NBPF9: variants seen among roughly 807,000 people sequenced by gnomAD.
The protein encoded by NBPF9 is NBPF family member NBPF9.
NBPF9 carries 91 observed loss-of-function variants against 97.8 expected under a neutral mutation model. The ratio of observed to expected loss-of-function variants is 0.93; its 90% CI spans 0.79 to 1.11. The LOEUF is 1.11. Among genes scored for constraint, NBPF9 ranks in the 50% least tolerant of loss-of-function variants. NBPF9 has a pLI of 0.00. For synonymous variants in NBPF9, 334 were observed against 359.5 expected (o/e 0.93, Z 0.80); for missense variants, 992 against 939.5 (o/e 1.06, Z -0.73).
At chr1:149,063,205 G>T (rs1330846418) in intron 20 of NBPF9, among the ~76,000 whole-genome samples, 1 of 138,084 alleles carries the variant, frequency 7.2e-6, no homozygotes, top group African/African-American at 2.9e-5. Flanking sequence ...TAAAGCAAAT[G>T]CCCCCAAATG....
chr1:149,084,153 G>A (rs1221009206), intron 5 of NBPF9, among the ~76,000 whole-genome samples: 2 of 149,536 alleles, frequency 1.3e-5, no homozygotes, highest in Non-Finnish European at 3.0e-5. Flanking sequence ...GGCCTGTCAT[G>A]GGGTGAGGGC....
Position 149,099,576 on chromosome 1 carries a change from T to G in NBPF9, c.-605-870A>C, listed in dbSNP as rs1278252679. ...AATTTCCAGGAGCTTATGTTGAAAATGAGATTGAACACATACAAAATAATC... is the reference window on the plus strand; with the variant it reads ...AATTTCCAGGAGCTTATGTTGAAAAGGAGATTGAACACATACAAAATAATC... On this transcript the variant is annotated intron_variant, in intron 3 of 29. Transcript: ENST00000584027. 6.8e-4 allele frequency among the ~76,000 whole-genome samples: 103 copies of G among 152,236 alleles called. No individual in the cohort carries two copies. The Middle Eastern group carries it at 0.01, about 15-fold the overall frequency.
intron 5 of NBPF9, among the ~76,000 whole-genome samples, chr1:149,087,714 CT>C (rs1189407389): frequency 1.2e-4 from 18 of 150,982 alleles, no homozygotes; most frequent in Non-Finnish European, 2.1e-4. Flanking sequence ...CATAACAACT[CT>C]TCTGATCCAT....
intron 4 of NBPF9, among the ~76,000 whole-genome samples, chr1:149,096,091 G>C (rs1338565724): frequency 1.3e-5 from 2 of 152,156 alleles, no homozygotes; most frequent in South Asian, 4.1e-4. Context: ...CATAATGCTA[G>C]AAAGAAGCCA....
intron 8 of NBPF9, among the ~76,000 whole-genome samples, chr1:149,079,654 G>A (rs1185431261): frequency 6.6e-5 from 10 of 150,646 alleles, no homozygotes; most frequent in African/African-American, 2.4e-4. Flanking sequence ...AGAATGACAG[G>A]GTCGAGAAGG....
chr1:149,076,558 A>C (rs1366058865), intron 11 of NBPF9, among the ~76,000 whole-genome samples: 18 of 147,840 alleles, frequency 1.2e-4, no homozygotes, highest in African/African-American at 4.2e-4. Flanking sequence ...GCTGGAGTGC[A>C]GTGGCACAAT....
intron 24 of NBPF9, chr1:149,060,063 C>A (rs1180720384): frequency 3.1e-6 from 1 of 321,608 alleles, no homozygotes; most frequent in African/African-American, 3.0e-5. Flanking sequence ...TTTGTGCAAA[C>A]AGTTATGCCA....
chr1:149,077,923 C>A, exon 10 of NBPF9: 1 of 1,518,390 alleles, frequency 6.6e-7, no homozygotes, highest in Admixed American at 1.7e-5. Context: ...TCCTCCTCAA[C>A]TTGAACATCT....
At chr1:149,100,935 A>T (rs193267143) in intron 3 of NBPF9, among the ~76,000 whole-genome samples, 1 of 146,162 alleles carries the variant, frequency 6.8e-6, no homozygotes, top group Non-Finnish European at 1.5e-5. Flanking sequence ...CCCTGTCTGA[A>T]AAAAAAAAAA....
intron 5 of NBPF9, among the ~76,000 whole-genome samples, chr1:149,089,587 G>C (rs1435373410): frequency 2.3e-3 from 352 of 152,344 alleles, no homozygotes; most frequent in Non-Finnish European, 2.4e-3. Context: ...TCTGTGGGAA[G>C]GAGGAGGGGA....
chr1:149,064,993 C>G (rs1257620679), intron 18 of NBPF9: 1 of 542,098 alleles, frequency 1.8e-6, no homozygotes, highest in Admixed American at 3.2e-5. Flanking sequence ...GAAAACATAC[C>G]AGGAACATGA....
In NBPF9 at chr1:149,055,903, G is replaced by C. The variant is rs782816559; in HGVS notation, c.3093-4C>G. 6.2e-7 allele frequency: 1 copy of C among 1,601,246 alleles called. No individual in the cohort carries two copies. ...TTCCATCAGCACGCCGTTGAGCCTG[G>C]AAAAGGAGACAAAACTAAAGAAGCA... On this transcript the variant is annotated splice_region_variant and splice_polypyrimidine_tract_variant and intron_variant, in intron 29 of 29. Coordinates refer to ENST00000584027, the Ensembl canonical transcript of NBPF9.
intron 5 of NBPF9, among the ~76,000 whole-genome samples, chr1:149,089,436 T>A: frequency 6.6e-6 from 1 of 152,384 alleles, no homozygotes; most frequent in East Asian, 1.9e-4. Flanking sequence ...GGACCTCACC[T>A]TCCTCTCACT....
chr1:149,082,883 T>C (rs2080610907), intron 5 of NBPF9, among the ~76,000 whole-genome samples: 1 of 148,048 alleles, frequency 6.8e-6, no homozygotes, highest in South Asian at 2.2e-4. Context: ...AGGTTCACGC[T>C]ATTCTCCTGC....
exon 30 of NBPF9, chr1:149,055,887 C>A (rs782107305): frequency 1.2e-6 from 2 of 1,611,432 alleles, no homozygotes; most frequent in East Asian, 4.5e-5. Context: ...CTTCCATCAG[C>A]ACGCCGTTGA....
chr1:149,055,886 G>C (rs782379202), exon 30 of NBPF9: 17 of 1,611,388 alleles, frequency 1.1e-5, no homozygotes, highest in East Asian at 2.2e-5. Context: ...ACTTCCATCA[G>C]CACGCCGTTG....
At chr1:149,055,727 T>C (rs782210691) in exon 30 of NBPF9, 1 of 1,611,842 alleles carries the variant, frequency 6.2e-7, no homozygotes, top group Non-Finnish European at 8.5e-7. Flanking sequence ...AAAAACCTAT[T>C]GTCCACGTAA....
rs1466887495 is a variant in NBPF9, at chr1:149,098,005, A to G, written c.-337+433T>C. ...CCACACACATCTCCCCACCCAGGAC[A>G]GTGCAGGGCCTTAGCCTGGGGGATG... On this transcript the variant is annotated intron_variant, in intron 4 of 29. Coordinates refer to ENST00000584027, the Ensembl canonical transcript of NBPF9. 1.1e-4 allele frequency among the ~76,000 whole-genome samples: 16 copies of G among 152,038 alleles called. 1 individual carries two copies. The highest frequency in any genetic ancestry group is 2.4e-4 in the Non-Finnish European group (16 of 68,014).
At chr1:149,062,732 A>G in intron 21 of NBPF9, 130 bp downstream of exon 21, 1 of 760,126 alleles carries the variant, frequency 1.3e-6, no homozygotes, top group Non-Finnish European at 2.4e-6. Flanking sequence ...AATGAAAACC[A>G]ACAGCAATGG....
Sources: allele counts gnomAD v4.1 joint callset (sites outside exome capture counted in the v4.1 genomes callset), GRCh38; gene constraint gnomAD v4.1.1; transcripts MANE v1.5; gene names NCBI Gene and HGNC (gene_info 2026-07-23, HGNC 2026-07-21).